ZMYM2: variants seen among roughly 807,000 people sequenced by gnomAD.
The protein encoded by ZMYM2 is zinc finger MYM-type protein 2.
ZMYM2 carries 56 observed loss-of-function variants against 162.8 expected under a neutral mutation model. The observed-to-expected ratio is 0.34, with a 90% CI of 0.28 to 0.43. The LOEUF is 0.43. ZMYM2 is among the 20% of genes least tolerant of loss of function. ZMYM2 has a pLI of 1.00. For synonymous variants in ZMYM2, 510 were observed against 541.6 expected, an observed-to-expected ratio of 0.94 and a Z score of 0.81; for missense variants, 1,275 against 1,621.8, an observed-to-expected ratio of 0.79 and a Z score of 3.67.
chr13:19,928,243 C>T, the ZMYM2 span, among the ~76,000 whole-genome samples: 1 of 152,154 alleles, frequency 6.6e-6, no homozygotes, highest in Non-Finnish European at 1.5e-5. Flanking sequence ...TTGGCTCAAG[C>T]GAGCCTCCCT....
rs1158010382 is a variant in ZMYM2, at chr13:20,086,233, T to A, written c.*219T>A. On this transcript the variant is annotated 3_prime_UTR_variant, in exon 25 of 25. Coordinates refer to ENST00000610343, the MANE Select transcript of ZMYM2 (RefSeq NM_197968.4). ...TTAACAAATACATTCAAATTCTTTT[T>A]TTATTATTATTTATTTGATTAGGTA... 4 of 346,798 alleles carry A rather than the reference T, an allele frequency of 1.2e-5. No homozygotes were observed. Among genetic ancestry groups the A allele is most frequent in the Admixed American group, 4.3e-5 (1 of 23,056 alleles). 21.5% of individuals were successfully genotyped at this position (346,798 alleles called of 1,614,324 possible). A position where few individuals can be genotyped will look rare whatever the true frequency, so the allele number is the denominator to read the frequency against.
rs573910131 is a variant in ZMYM2 at position 20,061,419 on chromosome 13, G to A, written c.2911+195G>A. The stretch of plus-strand genomic sequence containing the variant: ...AGGTGCCCTCAGACAGATATCCGAA[G>A]CAGGAATTTGGTCTTTGGTCTCTGT... On this transcript the variant is annotated intron_variant, in intron 17 of 24. Transcript: ENST00000610343. Among the ~76,000 whole-genome samples, 180 of 152,268 alleles carry A rather than the reference G, an allele frequency of 1.2e-3. 2 individuals carry two copies. The highest frequency in any genetic ancestry group is 6.8e-3 in the Middle Eastern group (2 of 294).
At chr13:19,940,033 C>G in the ZMYM2 span, among the ~76,000 whole-genome samples, 16 of 152,024 alleles carry the variant, frequency 1.1e-4, no homozygotes, top group Admixed American at 7.9e-4. Flanking sequence ...TAACACAATA[C>G]TATTCAATTT....
In ZMYM2 at chr13:20,074,242, G is replaced by C. The variant is rs537507164; in HGVS notation, c.3453+6852G>C. 2.4e-3 allele frequency among the ~76,000 whole-genome samples: 356 copies of C among 151,178 alleles called. 2 individuals are homozygous for C. The highest frequency in any genetic ancestry group is 8.3e-3 in the African/African-American group (340 of 40,994). ...TGTGTGTGTGTGTGTGTGTGTGAGA[G>C]AGACAGAGAGACAGGGTCTCACTCT... On this transcript the variant is annotated intron_variant, in intron 21 of 24. Coordinates refer to ENST00000610343, the MANE Select transcript of ZMYM2 (RefSeq NM_197968.4).
At chr13:19,881,838 G>A in the ZMYM2 span, among the ~76,000 whole-genome samples, 1 of 151,690 alleles carries the variant, frequency 6.6e-6, no homozygotes, top group African/African-American at 2.4e-5. Context: ...TAAAAAATCA[G>A]CTGGGTGTGG....
chr13:20,086,139 CTGGG>C lies in ZMYM2; in HGVS notation c.*127_*130del. 1.2e-6 allele frequency: 1 copy of C among 867,384 alleles called. No individual in the cohort carries two copies. Among genetic ancestry groups the C allele is most frequent in the Admixed American group, 2.9e-5 (1 of 34,432 alleles). The allele number at this position is 867,384 out of a possible 1,614,324, so 53.7% of individuals were successfully genotyped here. ...TGAGTTTTGTAGCAGTGTACCCACG[CTGGG>C]TATTACCATGTAAATAATCTGTGAG... On this transcript the variant is annotated 3_prime_UTR_variant, in exon 25 of 25. Coordinates refer to ENST00000610343, the MANE Select transcript of ZMYM2 (RefSeq NM_197968.4).
the ZMYM2 span, among the ~76,000 whole-genome samples, chr13:19,893,761 T>A: frequency 2.3e-4 from 34 of 146,128 alleles, no homozygotes; most frequent in Admixed American, 9.4e-4. Flanking sequence ...AAGTAAAAAA[T>A]AAATAAATAA....
chr13:19,991,624 CTTTTTTT>C (rs11413369), intron 2 of ZMYM2, among the ~76,000 whole-genome samples: 6 of 131,376 alleles, frequency 4.6e-5, no homozygotes, highest in African/African-American at 1.7e-4. Flanking sequence ...TTTTCTTTTT[CTTTTTTT>C]TTTTTTTTTC....
chr13:19,883,367 T>C, the ZMYM2 span, among the ~76,000 whole-genome samples: 6 of 152,244 alleles, frequency 3.9e-5, no homozygotes, highest in Non-Finnish European at 8.8e-5. Context: ...TGTCACTGAA[T>C]TGTACAACTT....
chr13:20,002,902 G>A lies in ZMYM2; in HGVS notation c.900G>A (p.Gly300=). 6.2e-7 allele frequency: 1 copy of A among 1,614,030 alleles called. No individual in the cohort carries two copies. The highest frequency in any genetic ancestry group is 1.1e-5 in the South Asian group (1 of 91,080). The change falls in exon 4 of 25, where the codon GGG becomes GGA. Residue 300 remains glycine (G), a synonymous_variant. Coordinates refer to ENST00000610343, the MANE Select transcript of ZMYM2 (RefSeq NM_197968.4). ...TTCCCCGTAATCAGAAACAACCAGG[G>A]GTGGACTCTTTATCACCAGTGGCCT... ...ASFPRNQKQP[G]VDSLSPVASL...
the ZMYM2 span, among the ~76,000 whole-genome samples, chr13:19,914,897 T>TC: frequency 4.5e-4 from 69 of 152,216 alleles, no homozygotes; most frequent in Admixed American, 1.2e-3. Context: ...GGGGCAAGGT[T>TC]CCCCAAGAGG....
the ZMYM2 span, among the ~76,000 whole-genome samples, chr13:19,916,733 G>T: frequency 5.9e-5 from 9 of 151,852 alleles, no homozygotes; most frequent in African/African-American, 2.2e-4. Flanking sequence ...GCTGGGGGAG[G>T]GATAGCATTC....
chr13:20,085,727 C>T (rs1958221511), intron 24 of ZMYM2, 95 bp from the exon 25 acceptor site: 7 of 1,110,868 alleles, frequency 6.3e-6, no homozygotes, highest in Middle Eastern at 2.0e-4. Context: ...GGTCATATAA[C>T]GTGATTAATG....
rs1298606650 is a variant in ZMYM2 at position 20,081,659 on chromosome 13, AG to A, written c.3454-356del. On this transcript the variant is annotated intron_variant, in intron 21 of 24. Coordinates refer to ENST00000610343, the MANE Select transcript of ZMYM2 (RefSeq NM_197968.4). ...TACTTTATAAGAAAAAAAACTAAAA[AG>A]AAAAAAACACTTTTATTTTAAAATT... 2.9e-4 allele frequency among the ~76,000 whole-genome samples: 44 copies of A among 152,314 alleles called. 1 individual carries two copies. The highest frequency in any genetic ancestry group is 9.4e-4 in the African/African-American group (39 of 41,584).
chr13:20,016,167 T>C (rs1434860723), intron 6 of ZMYM2, among the ~76,000 whole-genome samples: 1 of 152,094 alleles, frequency 6.6e-6, no homozygotes, highest in East Asian at 1.9e-4. Context: ...CTTTGTATTG[T>C]TTTTAAATAT....
At chr13:19,889,424 A>G in the ZMYM2 span, among the ~76,000 whole-genome samples, 51 of 151,894 alleles carry the variant, frequency 3.4e-4, no homozygotes, top group Non-Finnish European at 5.7e-4. Context: ...GTTCAAGCGA[A>G]TTCTCCTGCC....
chr13:20,083,783 G>GTT lies in ZMYM2; in HGVS notation c.3941+8_3941+9dup. 6.3e-7 allele frequency: 1 copy of GTT among 1,599,342 alleles called. No homozygotes were observed. Among genetic ancestry groups the GTT allele is most frequent in the Non-Finnish European group, 8.5e-7 (1 of 1,172,884 alleles). Reference sequence around the variant, plus strand: ...AATGCTACTTGTCTAAAAGGTGAGTGTTAATGATACTTAACTTTTAAAAAT... The same window carrying GTT: ...AATGCTACTTGTCTAAAAGGTGAGTGTTTTAATGATACTTAACTTTTAAAAAT... On this transcript the variant is annotated splice_region_variant and intron_variant, in intron 24 of 24. Transcript: ENST00000610343.
At position 20,024,922 on chromosome 13, in the gene ZMYM2, C is replaced by T. The variant is rs939948012; in HGVS notation, c.1585-1690C>T. Reference sequence around the variant, plus strand: ...TTTCAGTAAATGAGGAAGTAGGCAGCGTAAGTGGTTTTAATAAGATGATAA... The same window carrying T: ...TTTCAGTAAATGAGGAAGTAGGCAGTGTAAGTGGTTTTAATAAGATGATAA... On this transcript the variant is annotated intron_variant, in intron 7 of 24. Coordinates refer to ENST00000610343, the MANE Select transcript of ZMYM2 (RefSeq NM_197968.4). The T allele has an allele frequency of 9.1e-4, 195 of 214,992 alleles. 1 individual carries two copies. The highest frequency in any genetic ancestry group is 1.5e-3 in the Middle Eastern group (1 of 678). The allele number at this position is 214,992 out of a possible 1,614,324, so 13.3% of individuals were successfully genotyped here.
chr13:20,030,163 C>G (rs531944200), intron 9 of ZMYM2, among the ~76,000 whole-genome samples: 1 of 151,346 alleles, frequency 6.6e-6, no homozygotes, highest in Non-Finnish European at 1.5e-5. Flanking sequence ...GTGTGTAAAT[C>G]TTTTTTCTCC....
Sources: gnomAD v4.1 joint callset for allele counts (sites outside exome capture counted in the v4.1 genomes callset) on GRCh38, gnomAD v4.1.1 for gene constraint, MANE v1.5 for transcripts, NCBI Gene and HGNC (gene_info 2026-07-23, HGNC 2026-07-21) for gene names.